Variants in CDH18 observed in about 807,000 individuals in gnomAD.
The protein encoded by CDH18 is cadherin 18.
A neutral mutation model predicts 67.9 loss-of-function variants in CDH18; 31 were observed. The ratio of observed to expected loss-of-function variants is 0.46; its 90% CI spans 0.34 to 0.62. The LOEUF is 0.62. CDH18 is among the 20% of genes least tolerant of loss of function. CDH18 has a pLI of 0.01. For missense variants in CDH18, 890 were observed against 975.5 expected (o/e 0.91, Z 1.17); for synonymous variants, 362 against 347.2 (o/e 1.04, Z -0.48).
intron 2 of CDH18, among the ~76,000 whole-genome samples, chr5:20,201,369 C>T (rs1739429241): frequency 1.3e-5 from 2 of 152,058 alleles, no homozygotes; most frequent in Non-Finnish European, 2.9e-5. Context: ...GGTCACATTC[C>T]TATTTATGGA....
intron 1 of CDH18, among the ~76,000 whole-genome samples, chr5:20,381,148 G>C (rs953419812): frequency 1.3e-5 from 2 of 152,026 alleles, no homozygotes; most frequent in Non-Finnish European, 2.9e-5. Flanking sequence ...CCATTTGCCC[G>C]CCAAGTAGAG....
At chr5:19,890,854 C>T (rs1239860778) in intron 2 of CDH18, among the ~76,000 whole-genome samples, 1 of 152,082 alleles carries the variant, frequency 6.6e-6, no homozygotes, top group Non-Finnish European at 1.5e-5. Flanking sequence ...AATACTTTTT[C>T]CAGAATAACC....
At chr5:20,019,437 G>A (rs564288022) in intron 2 of CDH18, among the ~76,000 whole-genome samples, 2 of 152,212 alleles carry the variant, frequency 1.3e-5, no homozygotes, top group East Asian at 3.9e-4. Flanking sequence ...ACCCCCCAAT[G>A]TTGGAGGAAG....
intron 1 of CDH18, among the ~76,000 whole-genome samples, chr5:20,561,530 T>G (rs1222539711): frequency 6.6e-6 from 1 of 152,010 alleles, no homozygotes; most frequent in Non-Finnish European, 1.5e-5. Context: ...ATGATTCCAA[T>G]TATAAGAAAT....
At chr5:19,657,797 T>G (rs1292085012) in intron 5 of CDH18, among the ~76,000 whole-genome samples, 1 of 152,142 alleles carries the variant, frequency 6.6e-6, no homozygotes, top group Admixed American at 6.6e-5. Context: ...AGGAAGCACA[T>G]GTTTCTTGGA....
chr5:20,457,183 C>G (rs555103555), intron 1 of CDH18, among the ~76,000 whole-genome samples: 25 of 152,132 alleles, frequency 1.6e-4, no homozygotes, highest in Middle Eastern at 3.4e-3. Context: ...GAAACGGTGT[C>G]ACAGGTTTTT....
chr5:19,597,265 C>T lies in CDH18; in HGVS notation c.812-6021G>A, dbSNP rs1183296171. Among the ~76,000 whole-genome samples the T allele has an allele frequency of 3.3e-5, 5 of 152,216 alleles. No individual in the cohort carries two copies. The East Asian group carries it at 9.6e-4, about 29-fold the overall frequency. On this transcript the variant is annotated intron_variant, in intron 6 of 12. Transcript: ENST00000382275. The stretch of plus-strand genomic sequence containing the variant: ...ACCTCAGCCCCTGCTGACTTCTACA[C>T]TGGAATCTCATAAGCATGAACCAAA...
chr5:19,655,403 A>AAT (rs951419365), intron 5 of CDH18, among the ~76,000 whole-genome samples: 8 of 151,438 alleles, frequency 5.3e-5, no homozygotes, highest in South Asian at 2.1e-4. Flanking sequence ...TGCATTAGTG[A>AAT]ATATATATAT....
At chr5:19,675,234 G>A (rs572458651) in intron 5 of CDH18, among the ~76,000 whole-genome samples, 42 of 151,736 alleles carry the variant, frequency 2.8e-4, no homozygotes, top group Middle Eastern at 6.8e-3. Context: ...GGACTGGGGC[G>A]AAATTAAAAT....
intron 1 of CDH18, among the ~76,000 whole-genome samples, chr5:20,373,375 G>GT (rs1366399508): frequency 6.6e-6 from 1 of 152,026 alleles, no homozygotes; most frequent in Non-Finnish European, 1.5e-5. Context: ...AGTTTGGAAT[G>GT]TTTTAAAAAT....
At chr5:19,829,066 A>G (rs1285877864) in intron 3 of CDH18, among the ~76,000 whole-genome samples, 1 of 152,060 alleles carries the variant, frequency 6.6e-6, no homozygotes, top group Non-Finnish European at 1.5e-5. Flanking sequence ...TAATAAGTAA[A>G]TAACAGGAGC....
chr5:19,721,312 AC>A (rs1387099514), intron 5 of CDH18, 34 bp downstream of exon 5: 1 of 1,528,500 alleles, frequency 6.5e-7, no homozygotes, highest in African/African-American at 1.4e-5. Context: ...ACTGTAGCAA[AC>A]GCTTGCATGC....
At chr5:19,478,293 A>C (rs1308998301) in intron 12 of CDH18, among the ~76,000 whole-genome samples, 1 of 152,128 alleles carries the variant, frequency 6.6e-6, no homozygotes, top group Admixed American at 6.5e-5. Context: ...TTTAAACCTC[A>C]AATACCACTT....
chr5:19,817,105 CAAAATTGGA>C (rs1337186610), intron 3 of CDH18, among the ~76,000 whole-genome samples: 1 of 151,772 alleles, frequency 6.6e-6, no homozygotes, highest in African/African-American at 2.4e-5. Flanking sequence ...TACATCTCCT[CAAAATTGGA>C]AAACATCATC....
At chr5:20,124,967 T>G (rs954314862) in intron 2 of CDH18, among the ~76,000 whole-genome samples, 7 of 152,160 alleles carry the variant, frequency 4.6e-5, no homozygotes, top group African/African-American at 1.7e-4. Context: ...AGTGTTCATA[T>G]GTATGAGGAT....
At chr5:20,012,371 T>A (rs1407708512) in intron 2 of CDH18, among the ~76,000 whole-genome samples, 8 of 25,600 alleles carry the variant, frequency 3.1e-4, no homozygotes. Flanking sequence ...ATTATCTTGT[T>A]CAAAAAAAAA....
intron 1 of CDH18, among the ~76,000 whole-genome samples, chr5:20,272,777 C>G (rs1202240833): frequency 6.6e-6 from 1 of 151,916 alleles, no homozygotes; most frequent in African/African-American, 2.4e-5. Flanking sequence ...AACCAGTAAC[C>G]TCTACATAAT....
At chr5:20,251,210 A>G (rs1401769597) in intron 2 of CDH18, among the ~76,000 whole-genome samples, 1 of 152,162 alleles carries the variant, frequency 6.6e-6, no homozygotes, top group Non-Finnish European at 1.5e-5. Flanking sequence ...TAAAATTTAA[A>G]CATAATAAAT....
rs554689964 is a variant in CDH18 at position 19,695,587 on chromosome 5, G to A, written c.643+25760C>T. 2.5e-4 allele frequency among the ~76,000 whole-genome samples: 38 copies of A among 152,156 alleles called. No homozygotes were observed. The South Asian group carries it at 7.9e-3, about 32-fold the overall frequency. ...ATAAAATCACAATTATTGTTTCAAAGTTCGCTGACAATGACACACAACCCT... is the reference window on the plus strand; with the variant it reads ...ATAAAATCACAATTATTGTTTCAAAATTCGCTGACAATGACACACAACCCT... On this transcript the variant is annotated intron_variant, in intron 5 of 12. Coordinates refer to ENST00000382275, the MANE Select transcript of CDH18 (RefSeq NM_004934.5).
Sources: allele counts gnomAD v4.1 joint callset (sites outside exome capture counted in the v4.1 genomes callset), GRCh38; gene constraint gnomAD v4.1.1; transcripts MANE v1.5; gene names NCBI Gene and HGNC (gene_info 2026-07-23, HGNC 2026-07-21).